Variants in DDIAS observed in about 807,000 individuals in gnomAD.
DDIAS encodes the protein DNA damage-induced apoptosis suppressor protein.
DDIAS carries 14 observed loss-of-function variants against 15.7 expected under a neutral mutation model. That is an observed-to-expected ratio of 0.89 (90% CI 0.59 to 1.39). The LOEUF is 1.39. Ranked by LOEUF, DDIAS falls within the 40% of genes most tolerant of loss-of-function variation. The pLI is 0.00. For missense variants in DDIAS, 1,035 were observed against 1,130.9 expected (o/e 0.92, Z 1.22); for synonymous variants, 355 against 395.9 (o/e 0.90, Z 1.23).
intron 3 of DDIAS, among the ~76,000 whole-genome samples, chr11:82,922,983 G>A (rs914336691): frequency 2.6e-5 from 4 of 152,214 alleles, no homozygotes; most frequent in Non-Finnish European, 4.4e-5. Context: ...CATCCAGCCA[G>A]TCTGTCTGGC....
rs950526369 is a variant in DDIAS, at chr11:82,905,061, C to T, written c.-117+3239C>T. Among the ~76,000 whole-genome samples the T allele has an allele frequency of 1.5e-4, 23 of 152,154 alleles. 1 individual carries two copies. Among genetic ancestry groups the T allele is most frequent in the Admixed American group, 3.3e-4 (5 of 15,282 alleles). ...ATGGCTTGTCTAAAAGGAGAGAAAGCAAGTATTCCAGAATATCCCATGGTA... is the reference window on the plus strand; with the variant it reads ...ATGGCTTGTCTAAAAGGAGAGAAAGTAAGTATTCCAGAATATCCCATGGTA... On this transcript the variant is annotated intron_variant, in intron 1 of 5. Coordinates refer to ENST00000533655, the MANE Select transcript of DDIAS (RefSeq NM_145018.4).
intron 1 of DDIAS, chr11:82,909,205 C>T (rs929146818): frequency 6.6e-6 from 1 of 152,154 alleles, no homozygotes; most frequent in East Asian, 1.9e-4. Context: ...TTATTTGTGC[C>T]TCCCCCTTTT....
intron 3 of DDIAS, among the ~76,000 whole-genome samples, chr11:82,919,899 G>T (rs1353957425): frequency 1.3e-5 from 2 of 152,064 alleles, no homozygotes; most frequent in Non-Finnish European, 2.9e-5. Flanking sequence ...CTAATCTTTT[G>T]TATTTTTAGT....
intron 1 of DDIAS, among the ~76,000 whole-genome samples, chr11:82,912,242 T>A (rs1860542274): frequency 6.6e-6 from 1 of 152,178 alleles, no homozygotes; most frequent in South Asian, 2.1e-4. Context: ...GCTATGAAAG[T>A]CCTAGATGTC....
At chr11:82,916,834 AATC>A (rs1860641859) in intron 3 of DDIAS, among the ~76,000 whole-genome samples, 2 of 152,194 alleles carry the variant, frequency 1.3e-5, no homozygotes, top group African/African-American at 4.8e-5. Flanking sequence ...ACTTACCGCA[AATC>A]ATCACACAGC....
chr11:82,924,644 C>T (rs1860821410), intron 3 of DDIAS, among the ~76,000 whole-genome samples: 1 of 151,852 alleles, frequency 6.6e-6, no homozygotes, highest in Non-Finnish European at 1.5e-5. Context: ...TGAAACCTAT[C>T]CTCTACCAAA....
At position 82,933,138 on chromosome 11, in the gene DDIAS, T is replaced by C; in HGVS notation, c.1800T>C (p.Tyr600=). 6.2e-7 allele frequency: 1 copy of C among 1,608,918 alleles called. No individual in the cohort carries two copies. Among genetic ancestry groups the C allele is most frequent in the Non-Finnish European group, 8.5e-7 (1 of 1,179,674 alleles). ...TGACAACTCTGTGTTATAGGAAGTA[T>C]AATGATGTCTCTGATCTTTGCAAAT... ...EKLTTLCYRK[Y]NDVSDLCKLE... Residue 600 remains tyrosine, a synonymous_variant, in exon 6 of 6, where the codon TAT becomes TAC. Transcript: ENST00000533655.
Position 82,932,998 on chromosome 11 carries a change from A to G in DDIAS, c.1660A>G (p.Thr554Ala), listed in dbSNP as rs747224306. 2.5e-6 allele frequency: 4 copies of G among 1,610,790 alleles called. No individual in the cohort carries two copies. The Admixed American group carries it at 6.7e-5, about 27-fold the overall frequency. The change falls in exon 6 of 6, where the codon ACT (threonine) becomes GCT (alanine). Residue 554 changes from threonine (T) to alanine (A), a missense_variant. Transcript: ENST00000533655. ...TTCAAAAGATTTAGAAACAATAGTT[A>G]CTCTTAAGAAGACTATCAGAATCTC... is the stretch of plus-strand genomic sequence containing the variant. ...SSSKDLETIV[T>A]LKKTIRISPH...
At chr11:82,916,887 T>C (rs1168459524) in intron 3 of DDIAS, among the ~76,000 whole-genome samples, 1 of 152,202 alleles carries the variant, frequency 6.6e-6, no homozygotes, top group Non-Finnish European at 1.5e-5. Context: ...GCCTAAACAA[T>C]CTGAATTCTG....
At chr11:82,914,896 C>T in intron 3 of DDIAS, 45 bp downstream of exon 3, 1 of 1,291,122 alleles carries the variant, frequency 7.7e-7, no homozygotes, top group Non-Finnish European at 1.1e-6. Context: ...TACAAATGCA[C>T]ACTGTAGATT....
intron 1 of DDIAS, among the ~76,000 whole-genome samples, chr11:82,905,845 G>A (rs1243113831): frequency 6.6e-6 from 1 of 152,160 alleles, no homozygotes; most frequent in Non-Finnish European, 1.5e-5. Context: ...GGTTTGCTGT[G>A]ATGGAGCTGA....
chr11:82,930,068 C>T (rs986065246), intron 4 of DDIAS, 89 bp from the exon 5 acceptor site: 2 of 736,816 alleles, frequency 2.7e-6, no homozygotes, highest in African/African-American at 3.6e-5. Context: ...GTTCATGCTG[C>T]ATTTTCAAAT....
intron 1 of DDIAS, among the ~76,000 whole-genome samples, chr11:82,903,687 A>C (rs542058954): frequency 1.2e-4 from 18 of 152,312 alleles, no homozygotes; most frequent in Admixed American, 1.0e-3. Context: ...CTGCCTTTAG[A>C]AAAATTAAAC....
chr11:82,916,215 T>C (rs1263467817), intron 3 of DDIAS, among the ~76,000 whole-genome samples: 1 of 152,198 alleles, frequency 6.6e-6, no homozygotes, highest in Non-Finnish European at 1.5e-5. Flanking sequence ...GGGATCATTG[T>C]AAAGTTAGAG....
rs772766059 is a variant in DDIAS, at chr11:82,931,939, A to G, written c.601A>G (p.Asn201Asp). Residue 201 changes from asparagine (N) to aspartate (D), a missense_variant, in exon 6 of 6, where the codon AAC (asparagine) becomes GAC (aspartate). Physicochemically the swap from Asn to Asp is conservative, Grantham distance 23 (BLOSUM62 1). Transcript: ENST00000533655. ...ACTTCAGTGTGACTCTCAGGCACCT[A>G]ACAATCACTTACTTGCTTTAGATCA... ...RKLQCDSQAP[N>D]NHLLALDHSN... The G allele has an allele frequency of 1.9e-6, 3 of 1,614,016 alleles. No individual in the cohort carries two copies. In the African/African-American group the frequency reaches 4.0e-5, roughly 22 times the overall value.
At chr11:82,927,617 G>C (rs1051647544) in intron 3 of DDIAS, among the ~76,000 whole-genome samples, 3 of 127,912 alleles carry the variant, frequency 2.3e-5, no homozygotes, top group African/African-American at 1.0e-4. Flanking sequence ...GTTTTTAGGT[G>C]CTTGTTGTAT....
intron 1 of DDIAS, among the ~76,000 whole-genome samples, 183 bp from the exon 2 acceptor site, chr11:82,913,104 G>T (rs1044340639): frequency 2.0e-5 from 3 of 152,188 alleles, no homozygotes; most frequent in Non-Finnish European, 4.4e-5. Flanking sequence ...TTACCAAAAT[G>T]TGAGATGGAA....
chr11:82,931,852 A>G lies in DDIAS; in HGVS notation c.514A>G (p.Ile172Val), dbSNP rs140644636. The G allele has an allele frequency of 4.8e-5, 77 of 1,614,100 alleles. No homozygotes were observed. The highest frequency in any genetic ancestry group is 6.1e-5 in the Non-Finnish European group (72 of 1,180,044). Residue 172 changes from isoleucine (I) to valine (V), a missense_variant, in exon 6 of 6, where the codon ATT (isoleucine) becomes GTT (valine). Ile to Val is a conservative substitution (Grantham distance 29, BLOSUM62 3). Transcript: ENST00000533655. ...CCAGATTGTTCTACCAGACCCAGGT[A>G]TTGCAGGCTTTACTGTCATTGACTA... ...ACQIVLPDPG[I>V]AGFTVIDYFH...
chr11:82,914,140 G>T, intron 2 of DDIAS: 1 of 292,022 alleles, frequency 3.4e-6, no homozygotes, highest in Non-Finnish European at 6.7e-6. Context: ...TCACCATGTT[G>T]GCCAGGCTGG....
Sources: allele counts gnomAD v4.1 joint callset (sites outside exome capture counted in the v4.1 genomes callset), GRCh38; gene constraint gnomAD v4.1.1; transcripts MANE v1.5; gene names NCBI Gene and HGNC (gene_info 2026-07-23, HGNC 2026-07-21).